MAPK4: variants seen among roughly 807,000 people sequenced by gnomAD.
The protein encoded by MAPK4 is mitogen-activated protein kinase 4, also known as Erk3-related.
MAPK4 carries 22 observed loss-of-function variants against 47.7 expected under a neutral mutation model. The observed-to-expected ratio is 0.46, with a 90% CI of 0.33 to 0.66. The LOEUF is 0.66. Ranked by LOEUF, MAPK4 falls within the 30% of genes least tolerant of loss-of-function variation. The pLI, the probability that MAPK4 is intolerant of heterozygous loss-of-function variation, is 0.02. For missense variants in MAPK4, 736 were observed against 831.7 expected (o/e 0.88, Z 1.42); for synonymous variants, 390 against 365.7 (o/e 1.07, Z -0.76).
chr18:50,620,600 C>T (rs975618162), intron 1 of MAPK4, among the ~76,000 whole-genome samples: 1 of 152,072 alleles, frequency 6.6e-6, no homozygotes, highest in Non-Finnish European at 1.5e-5. Flanking sequence ...TCTTCTTGCT[C>T]ATTTTTTTAA....
At chr18:50,660,223 A>G (rs1209926951) in intron 1 of MAPK4, among the ~76,000 whole-genome samples, 1 of 152,180 alleles carries the variant, frequency 6.6e-6, no homozygotes, top group Non-Finnish European at 1.5e-5. Context: ...ATAATAATAA[A>G]CTCAAATGGG....
At chr18:50,694,292 G>A (rs942242646) in intron 2 of MAPK4, among the ~76,000 whole-genome samples, 3 of 152,048 alleles carry the variant, frequency 2.0e-5, no homozygotes, top group Admixed American at 6.5e-5. Flanking sequence ...CCTCATGCAC[G>A]TGGGCTCCTC....
At chr18:50,571,126 G>A (rs1482056394) in intron 1 of MAPK4, among the ~76,000 whole-genome samples, 1 of 152,102 alleles carries the variant, frequency 6.6e-6, no homozygotes, top group African/African-American at 2.4e-5. Flanking sequence ...CCTGTCTTAG[G>A]GGGAGGTATC....
intron 2 of MAPK4, among the ~76,000 whole-genome samples, chr18:50,672,765 G>T (rs1203319186): frequency 6.6e-6 from 1 of 152,194 alleles, no homozygotes; most frequent in African/African-American, 2.4e-5. Context: ...CTTGCCACCA[G>T]TTCACCCTTT....
At chr18:50,637,407 G>C (rs1050060811) in intron 1 of MAPK4, among the ~76,000 whole-genome samples, 6 of 152,144 alleles carry the variant, frequency 3.9e-5, no homozygotes, top group Admixed American at 2.6e-4. Flanking sequence ...CAAAGCCACT[G>C]AGCCAGGAAA....
chr18:50,723,422 TG>T (rs1911032080), intron 4 of MAPK4, among the ~76,000 whole-genome samples: 1 of 152,148 alleles, frequency 6.6e-6, no homozygotes, highest in Non-Finnish European at 1.5e-5. Flanking sequence ...GGTGCCAGGA[TG>T]GATGTCACAT....
intron 1 of MAPK4, among the ~76,000 whole-genome samples, chr18:50,596,808 C>G (rs1237493598): frequency 6.6e-6 from 1 of 152,194 alleles, no homozygotes; most frequent in Non-Finnish European, 1.5e-5. Flanking sequence ...CTGTTAAACA[C>G]AAGATCAAAA....
In MAPK4 at chr18:50,664,383, C is replaced by T. The variant is rs766691554; in HGVS notation, c.425C>T (p.Ser142Phe). 1 of 1,614,024 alleles carries T rather than the reference C, an allele frequency of 6.2e-7. No homozygotes were observed. The highest frequency in any genetic ancestry group is 8.5e-7 in the Non-Finnish European group (1 of 1,180,038). ...QLLRGLKYIH[S>F]ANVLHRDLKP... The stretch of plus-strand genomic sequence containing the variant: ...CTCCGCGGGCTCAAGTACATCCACT[C>T]CGCCAACGTGCTGCACAGGGACCTG... The change falls in exon 2 of 6, where the codon TCC becomes TTC. Residue 142 changes from serine (S) to phenylalanine (F), a missense_variant. Physicochemically the swap from Ser to Phe is radical, Grantham distance 155 (BLOSUM62 -2). This residue lies in a region of MAPK4 where 327 missense variants were observed against 395.4 expected (regional missense o/e 0.83). Transcript: ENST00000400384. This position sits in a 1 kb window ranked among gnomAD's most constrained non-coding sequence, Gnocchi z 6.0.
chr18:50,605,738 G>A lies in MAPK4; in HGVS notation c.-871+45495G>A, dbSNP rs541390687. Among the ~76,000 whole-genome samples, 137 of 152,266 alleles carry A rather than the reference G, an allele frequency of 9.0e-4. 1 individual carries two copies. Among genetic ancestry groups the A allele is most frequent in the African/African-American group, 3.2e-3 (132 of 41,564 alleles). On this transcript the variant is annotated intron_variant, in intron 1 of 5. Transcript: ENST00000400384. ...AGGACCCATGGCCCAGCCTCCTTCCGGGGCAGGCCTTCCCTAGCAGAGTGC... is the reference window on the plus strand; with the variant it reads ...AGGACCCATGGCCCAGCCTCCTTCCAGGGCAGGCCTTCCCTAGCAGAGTGC...
chr18:50,695,338 TAAAAAAA>T (rs59857315), intron 2 of MAPK4, among the ~76,000 whole-genome samples: 10 of 84,694 alleles, frequency 1.2e-4, no homozygotes, highest in African/African-American at 2.3e-4. Context: ...GGCTCCATCT[TAAAAAAA>T]AAAAAAAAAA....
In MAPK4 at chr18:50,593,810, G is replaced by A. The variant is rs191957852; in HGVS notation, c.-871+33567G>A. ...AAATGTTAGAGGACTCACACTACCT[G>A]AGTCAGGGTTCTCCAGAGGGACAGA... On this transcript the variant is annotated intron_variant, in intron 1 of 5. Transcript: ENST00000400384. Among the ~76,000 whole-genome samples the A allele has an allele frequency of 1.9e-3, 284 of 152,326 alleles. 2 individuals carry two copies. Among genetic ancestry groups the A allele is most frequent in the African/African-American group, 6.1e-3 (255 of 41,558 alleles).
intron 2 of MAPK4, among the ~76,000 whole-genome samples, chr18:50,685,023 C>A (rs1292082555): frequency 1.3e-5 from 2 of 152,206 alleles, no homozygotes; most frequent in East Asian, 3.9e-4. Flanking sequence ...CCTCCTAGCT[C>A]ACAGCACTCA....
intron 2 of MAPK4, among the ~76,000 whole-genome samples, chr18:50,665,502 G>C (rs1907550596): frequency 6.6e-6 from 1 of 152,224 alleles, no homozygotes; most frequent in Admixed American, 6.5e-5. Flanking sequence ...TCATCCAAGG[G>C]GCTGGGGTGG....
At chr18:50,699,766 G>A (rs562593516) in intron 2 of MAPK4, among the ~76,000 whole-genome samples, 36 of 152,170 alleles carry the variant, frequency 2.4e-4, no homozygotes, top group Middle Eastern at 3.4e-3. Flanking sequence ...ATCTTCCCTC[G>A]GATTTAATCA....
chr18:50,695,206 T>A (rs1367733502), intron 2 of MAPK4, among the ~76,000 whole-genome samples: 1 of 151,620 alleles, frequency 6.6e-6, no homozygotes, highest in Non-Finnish European at 1.5e-5. Flanking sequence ...TTTAGCCGGG[T>A]ATGGTGGCAC....
At chr18:50,660,591 G>A (rs2043159844) in intron 1 of MAPK4, among the ~76,000 whole-genome samples, 1 of 152,182 alleles carries the variant, frequency 6.6e-6, no homozygotes, top group African/African-American at 2.4e-5. Context: ...TAACAGCCCA[G>A]GCTAATGTAT....
intron 1 of MAPK4, among the ~76,000 whole-genome samples, chr18:50,577,279 C>A (rs968565743): frequency 6.6e-6 from 1 of 152,112 alleles, no homozygotes; most frequent in African/African-American, 2.4e-5. Context: ...CCCTACACAC[C>A]GTATGCATGT....
intron 1 of MAPK4, among the ~76,000 whole-genome samples, chr18:50,584,897 G>C (rs575559056): frequency 6.6e-6 from 1 of 152,338 alleles, no homozygotes; most frequent in East Asian, 1.9e-4. Context: ...AATATCAGTA[G>C]CGTTAACTCC....
At chr18:50,700,582 A>G (rs529382459) in intron 2 of MAPK4, among the ~76,000 whole-genome samples, 1 of 152,312 alleles carries the variant, frequency 6.6e-6, no homozygotes, top group South Asian at 2.1e-4. Flanking sequence ...CCCACCAACC[A>G]GGGTTGTGGA....
Sources: allele counts gnomAD v4.1 joint callset (sites outside exome capture counted in the v4.1 genomes callset), GRCh38; gene constraint gnomAD v4.1.1; regional missense constraint gnomAD v4.1.1; non-coding constraint Gnocchi (gnomAD v3.1); transcripts MANE v1.5; gene names NCBI Gene and HGNC (gene_info 2026-07-23, HGNC 2026-07-21).